EFHB: variants seen among roughly 807,000 people sequenced by gnomAD.
EFHB encodes EF-hand domain family member B, also known as EF-hand domain-containing family member B.
EFHB carries 91 observed loss-of-function variants against 87.2 expected under a neutral mutation model. The observed-to-expected ratio is 1.04, with a 90% CI of 0.88 to 1.24. The LOEUF is 1.24. Among genes scored for constraint, EFHB ranks in the 50% most tolerant of loss-of-function variants. EFHB has a pLI of 0.00. For missense variants in EFHB, 1,084 were observed against 998.8 expected, an observed-to-expected ratio of 1.09 and a Z score of -1.15; for synonymous variants, 325 against 333.6, an observed-to-expected ratio of 0.97 and a Z score of 0.28.
At chr3:19,946,983 C>T (rs6803052) in exon 1 of EFHB, 111,682 of 153,158 alleles carry the variant, frequency 0.73, 41,457 homozygotes, top group African/African-American at 0.78. Flanking sequence ...GGTCACGTGA[C>T]ATCCTGCCTC....
At chr3:19,935,959 G>A (rs1328112895), upstream of EFHB, among the ~76,000 whole-genome samples, 4 of 131,920 alleles carry the variant, frequency 3.0e-5, no homozygotes, top group South Asian at 2.4e-4. Flanking sequence ...GCAGTAAGCC[G>A]AGATCACACC....
Position 19,905,717 on chromosome 3 carries a change from T to C in EFHB, c.1321A>G (p.Ser441Gly). The C allele has an allele frequency of 6.2e-7, 1 of 1,613,144 alleles. No individual in the cohort carries two copies. Among genetic ancestry groups the C allele is most frequent in the Non-Finnish European group, 8.5e-7 (1 of 1,179,346 alleles). ...EAKNRKYNPSSFHRCSVYGVP... is the reference protein window; with the variant it reads ...EAKNRKYNPSGFHRCSVYGVP... ...CCATACACACTACACCTATGGAAAC[T>C]TGATGGGTTATACTTTCGGTTCTTT... The change falls in exon 6 of 13, where the codon AGT becomes GGT. Residue 441 changes from serine (S) to glycine (G), a missense_variant. Coordinates refer to ENST00000295824, the MANE Select transcript of EFHB (RefSeq NM_144715.4).
rs778235486 is a variant in EFHB, at chr3:19,879,815, G to C, written c.2329-11C>G. ...CAATATCTCTGCAATCTAGAAAAAG[G>C]CATTTAAAATAGACCATGATTTATA... is the stretch of plus-strand genomic sequence containing the variant. On this transcript the variant is annotated splice_polypyrimidine_tract_variant and intron_variant, in intron 12 of 12. Transcript: ENST00000295824. The C allele has an allele frequency of 1.0e-5, 16 of 1,570,294 alleles. No homozygotes were observed. The highest frequency in any genetic ancestry group is 1.4e-5 in the Non-Finnish European group (16 of 1,161,382).
intron 1 of EFHB, among the ~76,000 whole-genome samples, chr3:19,924,625 G>C (rs1014609957): frequency 2.0e-5 from 3 of 152,154 alleles, no homozygotes; most frequent in African/African-American, 2.4e-5. Flanking sequence ...GTTTGGTCTA[G>C]GGGAAGACTC....
chr3:19,923,679 T>G (rs62279142), intron 1 of EFHB, among the ~76,000 whole-genome samples: 19,422 of 152,146 alleles, frequency 0.13, 1,642 homozygotes, highest in Non-Finnish European at 0.19. Context: ...CCAGCCTGCC[T>G]AATGTTTTAA....
chr3:19,896,861 C>T lies in EFHB; in HGVS notation c.1571-20G>A. On this transcript the variant is annotated intron_variant, in intron 8 of 12. Coordinates refer to ENST00000295824, the MANE Select transcript of EFHB (RefSeq NM_144715.4). ...CAACTCCTATTGAAGAGAGAAAAAA[C>T]TTTTTACATAAATTTAAAGTCTTTC... 1 of 1,561,512 alleles carries T rather than the reference C, an allele frequency of 6.4e-7. No homozygotes were observed.
At chr3:19,903,231 G>C (rs1694731289) in intron 6 of EFHB, among the ~76,000 whole-genome samples, 1 of 151,730 alleles carries the variant, frequency 6.6e-6, no homozygotes, top group Non-Finnish European at 1.5e-5. Context: ...TCCATAAACA[G>C]TGTCCTCTTG....
intron 1 of EFHB, among the ~76,000 whole-genome samples, chr3:19,923,025 TG>T (rs1475404172): frequency 6.6e-6 from 1 of 152,104 alleles, no homozygotes; most frequent in Non-Finnish European, 1.5e-5. Flanking sequence ...CCCAGCACTT[TG>T]GGAGGCAAAG....
intron 1 of EFHB, among the ~76,000 whole-genome samples, chr3:19,931,743 G>C (rs763871009): frequency 6.6e-6 from 1 of 151,926 alleles, no homozygotes; most frequent in Admixed American, 6.6e-5. Flanking sequence ...TTAATCATCC[G>C]GGTTTCCTTC....
At chr3:19,900,101 C>T (rs1694620672) in intron 6 of EFHB, among the ~76,000 whole-genome samples, 2 of 151,474 alleles carry the variant, frequency 1.3e-5, no homozygotes, top group South Asian at 4.2e-4. Flanking sequence ...AAGTGTAACT[C>T]GTAAAATTGC....
chr3:19,898,832 T>A lies in EFHB; in HGVS notation c.1516A>T (p.Met506Leu). The change falls in exon 8 of 13, where the codon ATG becomes TTG. Residue 506 changes from methionine to leucine, a missense_variant. Transcript: ENST00000295824. ...AATGTGCAGTCTGGGGGAACATTCA[T>A]TGTTTCTGCAATGCTATCAAAGAAA... is the stretch of plus-strand genomic sequence containing the variant. ...GRVLDPIAET[M>L]NVPPDCTFGA... 2 of 1,613,786 alleles carry A rather than the reference T, an allele frequency of 1.2e-6. No homozygotes were observed. Among genetic ancestry groups the A allele is most frequent in the Admixed American group, 1.7e-5 (1 of 59,986 alleles).
At chr3:19,890,463 G>A (rs568954397) in intron 9 of EFHB, among the ~76,000 whole-genome samples, 11 of 152,280 alleles carry the variant, frequency 7.2e-5, no homozygotes, top group African/African-American at 1.4e-4. Context: ...AAGGATGTCC[G>A]AATTCAGTTA....
chr3:19,896,266 T>A (rs1694477207), intron 9 of EFHB, among the ~76,000 whole-genome samples: 1 of 152,212 alleles, frequency 6.6e-6, no homozygotes, highest in African/African-American at 2.4e-5. Context: ...CAAAAATTGC[T>A]GGGTCCCACC....
rs1399099031 is a variant in EFHB at position 19,898,800 on chromosome 3, A to T, written c.1548T>A (p.Ala516=). The T allele has an allele frequency of 1.2e-6, 2 of 1,613,668 alleles. No individual in the cohort carries two copies. The highest frequency in any genetic ancestry group is 1.7e-6 in the Non-Finnish European group (2 of 1,179,802). ...MNVPPDCTFG[A]CLRPEEYGVG... The stretch of plus-strand genomic sequence containing the variant: ...TACCATATTCCTCAGGACGGAGACA[A>T]GCTCCAAATGTGCAGTCTGGGGGAA... Residue 516 remains alanine (A), a synonymous_variant, in exon 8 of 13, where the codon GCT becomes GCA. Transcript: ENST00000295824.
intron 10 of EFHB, among the ~76,000 whole-genome samples, chr3:19,886,791 T>C (rs1479997704): frequency 6.6e-6 from 1 of 151,798 alleles, no homozygotes; most frequent in Non-Finnish European, 1.5e-5. Flanking sequence ...GGTAGTGAGA[T>C]TGGAGTAAAA....
chr3:19,898,749 T>A (rs745451147), intron 8 of EFHB, 29 bp downstream of exon 8: 3 of 1,609,360 alleles, frequency 1.9e-6, no homozygotes, highest in East Asian at 4.5e-5. Flanking sequence ...TTGTTTGGGG[T>A]TTTTTACGGA....
chr3:19,895,589 G>A (rs1170538399), intron 9 of EFHB, among the ~76,000 whole-genome samples: 10 of 152,040 alleles, frequency 6.6e-5, no homozygotes, highest in Non-Finnish European at 1.5e-4. Flanking sequence ...CTTAAAAGCA[G>A]GGCACTACGT....
At chr3:19,918,171 A>C in intron 4 of EFHB, 61 bp downstream of exon 4, 1 of 1,403,834 alleles carries the variant, frequency 7.1e-7, no homozygotes, top group East Asian at 2.4e-5. Context: ...TATTTAATCA[A>C]ATTTTCCAAA....
chr3:19,911,320 G>A (rs1310884981), intron 5 of EFHB, among the ~76,000 whole-genome samples: 1 of 152,164 alleles, frequency 6.6e-6, no homozygotes, highest in Non-Finnish European at 1.5e-5. Context: ...TGAGCACTTT[G>A]GGAGGCCAAG....
Sources: allele counts gnomAD v4.1 joint callset (sites outside exome capture counted in the v4.1 genomes callset), GRCh38; gene constraint gnomAD v4.1.1; transcripts MANE v1.5; gene names NCBI Gene and HGNC (gene_info 2026-07-23, HGNC 2026-07-21).